Variants in LRRC63 observed in about 807,000 individuals in gnomAD.
LRRC63 encodes leucine-rich repeat-containing protein 63.
A neutral mutation model predicts 49.5 loss-of-function variants in LRRC63; 40 were observed. The ratio of observed to expected loss-of-function variants is 0.81; its 90% confidence interval spans 0.63 to 1.05. LRRC63 has a LOEUF of 1.05. LRRC63 is among the 50% of genes least tolerant of loss of function. LRRC63 has a pLI of 0.00. For synonymous variants in LRRC63, 191 were observed against 221.1 expected (o/e 0.86, Z 1.21); for missense variants, 636 against 663.1 (o/e 0.96, Z 0.45).
At chr13:46,232,950 AAAT>A (rs912142400) in intron 4 of LRRC63, among the ~76,000 whole-genome samples, 29 of 152,178 alleles carry the variant, frequency 1.9e-4, no homozygotes, top group Non-Finnish European at 2.9e-5. Context: ...AGAACAATAA[AAAT>A]AATATACCCA....
At chr13:46,223,074 G>A (rs1439593676) in intron 2 of LRRC63, among the ~76,000 whole-genome samples, 1 of 107,706 alleles carries the variant, frequency 9.3e-6, no homozygotes, top group East Asian at 3.4e-4. Flanking sequence ...GGTGGGGGGA[G>A]GGGGGAAGGA....
chr13:46,246,009 T>C (rs1021810238), intron 5 of LRRC63, among the ~76,000 whole-genome samples: 3 of 152,130 alleles, frequency 2.0e-5, no homozygotes, highest in Admixed American at 1.3e-4. Context: ...TGGGAGGTGA[T>C]TGGATCATGG....
exon 3 of LRRC63, chr13:46,227,647 T>C (rs969403678): frequency 5.8e-6 from 9 of 1,550,268 alleles, no homozygotes; most frequent in Non-Finnish European, 7.8e-6. Flanking sequence ...CAAAATATCT[T>C]TCTTGATCAC....
At chr13:46,224,314 G>A (rs2046505625) in intron 2 of LRRC63, among the ~76,000 whole-genome samples, 1 of 152,084 alleles carries the variant, frequency 6.6e-6, no homozygotes, top group Non-Finnish European at 1.5e-5. Context: ...CAAGTTCTGA[G>A]ATTCTTTCTT....
intron 4 of LRRC63, among the ~76,000 whole-genome samples, chr13:46,228,967 G>T (rs1375731730): frequency 6.6e-6 from 1 of 152,002 alleles, no homozygotes; most frequent in Non-Finnish European, 1.5e-5. Flanking sequence ...TCGTAATCTG[G>T]GTGGGGTGGA....
chr13:46,260,068 A>G (rs2047589656), intron 7 of LRRC63, among the ~76,000 whole-genome samples: 1 of 152,208 alleles, frequency 6.6e-6, no homozygotes, highest in South Asian at 2.1e-4. Context: ...TTTTCTCTGT[A>G]AAAATCATAT....
intron 8 of LRRC63, among the ~76,000 whole-genome samples, chr13:46,263,140 G>A (rs1415271689): frequency 1.3e-5 from 2 of 150,560 alleles, no homozygotes; most frequent in Non-Finnish European, 3.0e-5. Flanking sequence ...ATTTTTTTAA[G>A]GATGCTGTTT....
chr13:46,251,812 A>C (rs755402139), intron 7 of LRRC63, among the ~76,000 whole-genome samples: 4 of 151,938 alleles, frequency 2.6e-5, no homozygotes, highest in Non-Finnish European at 4.4e-5. Context: ...TCATAATTAT[A>C]CATTTTCAAT....
chr13:46,233,564 CT>C (rs896294830), intron 4 of LRRC63, among the ~76,000 whole-genome samples: 2 of 152,098 alleles, frequency 1.3e-5, no homozygotes, highest in African/African-American at 4.8e-5. Context: ...TTTTAAAATA[CT>C]TTCCTGCCAC....
At chr13:46,242,095 A>G (rs36028426) in intron 5 of LRRC63, among the ~76,000 whole-genome samples, 13,005 of 152,318 alleles carry the variant, frequency 0.085, 634 homozygotes, top group East Asian at 0.18. Flanking sequence ...CTGGATAAAG[A>G]AAATGTGGTA....
chr13:46,218,617 G>A (rs1008230074), intron 2 of LRRC63, among the ~76,000 whole-genome samples: 32 of 152,184 alleles, frequency 2.1e-4, no homozygotes, highest in African/African-American at 6.7e-4. Flanking sequence ...GGTTAATATC[G>A]TTATATGTGA....
chr13:46,230,916 C>T (rs2046736387), intron 4 of LRRC63, among the ~76,000 whole-genome samples: 1 of 152,174 alleles, frequency 6.6e-6, no homozygotes, highest in Non-Finnish European at 1.5e-5. Context: ...CTATCAGATA[C>T]CCCAAGTCAT....
At chr13:46,250,594 G>A (rs2047352101) in intron 7 of LRRC63, 103 bp downstream of exon 7, 2 of 986,038 alleles carry the variant, frequency 2.0e-6, no homozygotes, top group Admixed American at 2.9e-5. Flanking sequence ...TGGCTATTTA[G>A]TAATTTGTAT....
chr13:46,261,294 C>T (rs11148000), intron 7 of LRRC63, among the ~76,000 whole-genome samples: 2 of 151,956 alleles, frequency 1.3e-5, no homozygotes, highest in African/African-American at 2.4e-5. Context: ...TTGGAGATAG[C>T]GTCTTTGCAG....
At chr13:46,233,300 T>G (rs2046816815) in intron 4 of LRRC63, among the ~76,000 whole-genome samples, 1 of 152,218 alleles carries the variant, frequency 6.6e-6, no homozygotes, top group Non-Finnish European at 1.5e-5. Context: ...TCTTGCTCCA[T>G]TCTTTCTACC....
intron 2 of LRRC63, among the ~76,000 whole-genome samples, chr13:46,221,760 T>C (rs1471031074): frequency 6.7e-6 from 1 of 149,216 alleles, no homozygotes; most frequent in Non-Finnish European, 1.5e-5. Context: ...TACTGGGGAG[T>C]GGGGGTCTGT....
chr13:46,214,365 C>A (rs993216296), intron 2 of LRRC63, among the ~76,000 whole-genome samples: 7 of 152,292 alleles, frequency 4.6e-5, no homozygotes, highest in Non-Finnish European at 1.0e-4. Context: ...TTTACATCAT[C>A]ATTTCTACAT....
At chr13:46,254,801 C>G (rs934834411) in intron 7 of LRRC63, among the ~76,000 whole-genome samples, 1 of 152,132 alleles carries the variant, frequency 6.6e-6, no homozygotes, top group African/African-American at 2.4e-5. Context: ...TGACACGAAT[C>G]TGCATTTCTG....
intron 2 of LRRC63, 131 bp from the exon 3 acceptor site, chr13:46,227,381 C>T (rs1025557544): frequency 1.7e-6 from 1 of 600,358 alleles, no homozygotes; most frequent in Non-Finnish European, 2.7e-6. Flanking sequence ...GGTAGCTGAG[C>T]AAGTGTATAC....
Sources: allele counts gnomAD v4.1 joint callset (sites outside exome capture counted in the v4.1 genomes callset), GRCh38; gene constraint gnomAD v4.1.1; transcripts MANE v1.5; gene names NCBI Gene and HGNC (gene_info 2026-07-23, HGNC 2026-07-21).